FGF14: variants seen among roughly 807,000 people sequenced by gnomAD.
FGF14 encodes the protein fibroblast growth factor homologous factor 4.
A neutral mutation model predicts 25.5 loss-of-function variants in FGF14; 5 were observed. The observed-to-expected ratio is 0.20, with a 90% CI of 0.10 to 0.41. FGF14 has a LOEUF of 0.41. FGF14 is among the 10% of genes least tolerant of loss of function. The probability of loss-of-function intolerance (pLI) is 1.00; values close to 1 mark genes in which losing one functional copy is unlikely to be tolerated. For missense variants in FGF14, 222 were observed against 320.1 expected, an observed-to-expected ratio of 0.69 and a Z score of 2.34; for synonymous variants, 138 against 118.3, an observed-to-expected ratio of 1.17 and a Z score of -1.08.
chr13:102,292,672 C>G (rs940817688), intron 1 of FGF14: 1 of 152,160 alleles, frequency 6.6e-6, no homozygotes, highest in Non-Finnish European at 1.5e-5. Context: ...CAACAATGGG[C>G]CTGAGACTCA....
chr13:102,234,210 G>A (rs1445999635), intron 1 of FGF14, among the ~76,000 whole-genome samples: 2 of 145,576 alleles, frequency 1.4e-5, no homozygotes, highest in African/African-American at 5.1e-5. Flanking sequence ...TTAATACCAT[G>A]GAAATATACG....
chr13:101,760,966 A>G (rs1007195668), intron 3 of FGF14, among the ~76,000 whole-genome samples: 2 of 152,210 alleles, frequency 1.3e-5, no homozygotes, highest in African/African-American at 4.8e-5. Flanking sequence ...GAAGGATGAA[A>G]AAAAAAGTAT....
At chr13:101,920,548 T>C (rs191803737), upstream of FGF14, among the ~76,000 whole-genome samples, 462 of 152,342 alleles carry the variant, frequency 3.0e-3, 11 homozygotes, top group Non-Finnish European at 4.9e-4. Context: ...TGCACCCTAA[T>C]TGAAAATGAC....
chr13:101,738,235 ATGC>A (rs1018153831), intron 3 of FGF14, among the ~76,000 whole-genome samples: 8 of 152,168 alleles, frequency 5.3e-5, no homozygotes, highest in African/African-American at 1.4e-4. Context: ...CACCTACATC[ATGC>A]TGCTATTTAG....
At chr13:101,741,648 AAAG>A (rs1445331766) in intron 3 of FGF14, among the ~76,000 whole-genome samples, 4 of 152,044 alleles carry the variant, frequency 2.6e-5, no homozygotes, top group Admixed American at 6.6e-5. Context: ...AAAAAAAAAA[AAAG>A]AATTCCATCA....
At chr13:101,778,576 G>C (rs937080466) in intron 3 of FGF14, among the ~76,000 whole-genome samples, 3 of 152,102 alleles carry the variant, frequency 2.0e-5, no homozygotes, top group African/African-American at 7.2e-5. Context: ...ATGGTCACTG[G>C]CTGTAACATC....
chr13:102,336,126 C>G (rs1566945111), intron 1 of FGF14, among the ~76,000 whole-genome samples: 2 of 152,130 alleles, frequency 1.3e-5, no homozygotes, highest in African/African-American at 4.8e-5. Flanking sequence ...AAATAAAAAG[C>G]TAGAAATGAT....
chr13:102,161,620 AAG>A (rs1566764512), intron 1 of FGF14, among the ~76,000 whole-genome samples: 160 of 5,608 alleles, frequency 0.029, 6 homozygotes, highest in Middle Eastern at 0.17. Context: ...GAAGAAGAAG[AAG>A]AAGAAGAAGA....
At chr13:101,778,963 A>C (rs1424321593) in intron 3 of FGF14, 1 of 152,200 alleles carries the variant, frequency 6.6e-6, no homozygotes, top group Non-Finnish European at 1.5e-5. Flanking sequence ...AAATCACGGA[A>C]ATCAGCACAT....
intron 3 of FGF14, among the ~76,000 whole-genome samples, chr13:101,848,579 T>C (rs1482110949): frequency 3.3e-5 from 5 of 152,018 alleles, no homozygotes; most frequent in Non-Finnish European, 5.9e-5. Flanking sequence ...CCAGGAACTA[T>C]AGGTAATTTT....
At chr13:102,001,682 A>G (rs1035732215) in intron 1 of FGF14, among the ~76,000 whole-genome samples, 1 of 152,200 alleles carries the variant, frequency 6.6e-6, no homozygotes, top group African/African-American at 2.4e-5. Flanking sequence ...CAGGGACATC[A>G]CAAGTGATGT....
intron 1 of FGF14, among the ~76,000 whole-genome samples, chr13:102,059,679 C>T (rs2042590307): frequency 6.6e-6 from 1 of 151,968 alleles, no homozygotes; most frequent in Non-Finnish European, 1.5e-5. Flanking sequence ...GGTGAAACCA[C>T]GTCTCTACTA....
intron 1 of FGF14, among the ~76,000 whole-genome samples, chr13:102,372,538 G>A (rs903489527): frequency 1.3e-5 from 2 of 152,088 alleles, no homozygotes; most frequent in Non-Finnish European, 2.9e-5. Context: ...ATCTAAGGGC[G>A]TCAACCATCC....
In FGF14 at chr13:101,916,433, C is replaced by T. The variant is rs190088993; in HGVS notation, c.193+20G>A. ...AGGGGGCGACCCGGGGCGCATCTCC[C>T]GACCATGACCCCCACAGACCTTGGC... is the stretch of plus-strand genomic sequence containing the variant. On this transcript the variant is annotated intron_variant, in intron 1 of 4. Transcript: ENST00000376143. 1.9e-6 allele frequency: 3 copies of T among 1,613,602 alleles called. No homozygotes were observed. Among genetic ancestry groups the T allele is most frequent in the Admixed American group, 3.3e-5 (2 of 60,004 alleles).
At chr13:101,916,318 C>T in intron 1 of FGF14, 135 bp downstream of exon 1, 2 of 1,095,750 alleles carry the variant, frequency 1.8e-6, no homozygotes, top group Non-Finnish European at 2.7e-6. Flanking sequence ...CGCGACGGCA[C>T]CCAGAGTGCT....
chr13:101,884,363 T>C (rs1004825496), intron 1 of FGF14, among the ~76,000 whole-genome samples: 1 of 152,100 alleles, frequency 6.6e-6, no homozygotes, highest in Non-Finnish European at 1.5e-5. Context: ...TGATGACATG[T>C]CATTTTCAAC....
intron 1 of FGF14, among the ~76,000 whole-genome samples, chr13:101,944,972 T>C (rs113008106): frequency 0.02 from 3,021 of 152,242 alleles, 117 homozygotes; most frequent in African/African-American, 0.069. Flanking sequence ...ATGGCTGTGA[T>C]GGTTGCAAGA....
At chr13:102,079,218 G>C (rs952364917) in intron 1 of FGF14, among the ~76,000 whole-genome samples, 1 of 152,010 alleles carries the variant, frequency 6.6e-6, no homozygotes. Flanking sequence ...CCATGCTCTC[G>C]TTTTTGTTAA....
intron 1 of FGF14, chr13:102,393,941 T>TA (rs2139247952): frequency 6.6e-6 from 1 of 152,322 alleles, no homozygotes; most frequent in African/African-American, 2.4e-5. Context: ...CCGGGAGAGA[T>TA]ACAGGGAAGG....
Sources: allele counts gnomAD v4.1 joint callset (sites outside exome capture counted in the v4.1 genomes callset), GRCh38; gene constraint gnomAD v4.1.1; transcripts MANE v1.5; gene names NCBI Gene and HGNC (gene_info 2026-07-23, HGNC 2026-07-21).